Variants in PCDHA5 observed in about 807,000 individuals in gnomAD.
PCDHA5 encodes protocadherin alpha 5.
In PCDHA5, 43 loss-of-function variants were observed where a neutral mutation model predicts 61.6. The observed-to-expected ratio is 0.70, with a 90% CI of 0.55 to 0.90. The LOEUF (loss-of-function observed/expected upper bound fraction) is 0.90. Ranked by LOEUF, PCDHA5 falls within the 40% of genes least tolerant of loss-of-function variation. The pLI is 0.00. For missense variants in PCDHA5, 1,298 were observed against 1,222.7 expected (o/e 1.06, Z -0.92); for synonymous variants, 627 against 543.9 (o/e 1.15, Z -2.13).
chr5:140,834,749 G>T (rs782597539), intron 1 of PCDHA5: 2 of 1,613,980 alleles, frequency 1.2e-6, no homozygotes, highest in African/African-American at 1.3e-5. Context: ...TGGACGTGGA[G>T]GTGAAGGACA....
At chr5:140,877,575 C>T (rs1244471489) in intron 1 of PCDHA5, 1 of 1,613,826 alleles carries the variant, frequency 6.2e-7, no homozygotes, top group Non-Finnish European at 8.5e-7. Context: ...TGTACCTCAT[C>T]ATCGCCATCT....
chr5:140,918,955 T>G lies in PCDHA5; in HGVS notation c.2353-59994T>G, dbSNP rs904506594. Among the ~76,000 whole-genome samples, 3 of 152,258 alleles carry G rather than the reference T, an allele frequency of 2.0e-5. 1 individual carries two copies. Among genetic ancestry groups the G allele is most frequent in the African/African-American group, 7.2e-5 (3 of 41,472 alleles). ...TTTTGTTATAATATCCTGAACAGAC[T>G]AAGACAGATATCGTTTAGGTTAGTT... On this transcript the variant is annotated intron_variant, in intron 1 of 3. Transcript: ENST00000529859.
chr5:140,878,378 G>T (rs1449332570), intron 1 of PCDHA5, among the ~76,000 whole-genome samples: 3 of 152,178 alleles, frequency 2.0e-5, no homozygotes, highest in African/African-American at 7.2e-5. Flanking sequence ...TATGATGAAT[G>T]ATTTTCTTCA....
chr5:140,876,498 C>T, intron 1 of PCDHA5: 4 of 1,613,918 alleles, frequency 2.5e-6, no homozygotes, highest in Non-Finnish European at 2.5e-6. Flanking sequence ...AAGTTCTGGA[C>T]GTGAATGACA....
At chr5:140,859,867 T>C (rs1265494119) in intron 1 of PCDHA5, 1 of 152,016 alleles carries the variant, frequency 6.6e-6, no homozygotes, top group Non-Finnish European at 1.5e-5. Flanking sequence ...AATATATACT[T>C]CCCCCTCTGA....
rs1767937755 is a variant in PCDHA5, at chr5:140,823,944, G to A, written c.2169G>A (p.Ser723=). Residue 723 remains serine (S), a synonymous_variant, in exon 1 of 4, where the codon TCG becomes TCA. Transcript: ENST00000529859. The part of the protein sequence containing the change: ...TLLLYTALRC[S]AQPTEAVCTR... ...TGCTGTACACCGCGCTGCGGTGCTC[G>A]GCGCAGCCCACCGAGGCCGTGTGCA... 6.2e-7 allele frequency: 1 copy of A among 1,613,944 alleles called. No individual in the cohort carries two copies. The highest frequency in any genetic ancestry group is 8.5e-7 in the Non-Finnish European group (1 of 1,179,966).
At chr5:140,835,564 C>T (rs2150238347) in intron 1 of PCDHA5, 1 of 1,613,820 alleles carries the variant, frequency 6.2e-7, no homozygotes, top group African/African-American at 1.3e-5. Context: ...CCCCGCGTTC[C>T]CTTCAAGTTG....
intron 1 of PCDHA5, chr5:140,884,243 C>A: frequency 6.2e-7 from 1 of 1,613,466 alleles, no homozygotes; most frequent in Non-Finnish European, 8.5e-7. Flanking sequence ...TGAGCCCGCG[C>A]TGACGGCCAC....
At position 140,849,790 on chromosome 5, in the gene PCDHA5, C is replaced by T. The variant is rs2150450402; in HGVS notation, c.2352+25663C>T. The T allele has an allele frequency of 6.1e-5, 97 of 1,598,120 alleles. 10 individuals are homozygous for T. Among genetic ancestry groups the T allele is most frequent in the Middle Eastern group, 1.7e-4 (1 of 5,854 alleles). On this transcript the variant is annotated intron_variant, in intron 1 of 3. Transcript: ENST00000529859. The stretch of plus-strand genomic sequence containing the variant: ...GTGGTTACCGCGCGGGACGGGGGCT[C>T]GCCTTCACTGTGGGCCACGGCCAGG...
At chr5:140,834,787 C>A (rs2150226563) in intron 1 of PCDHA5, 5 of 1,613,542 alleles carry the variant, frequency 3.1e-6, no homozygotes, top group East Asian at 2.2e-5. Context: ...GTGTTCCCAG[C>A]GACACAAAGG....
At chr5:140,834,565 C>T (rs2150221167) in intron 1 of PCDHA5, 4 of 1,614,086 alleles carry the variant, frequency 2.5e-6, no homozygotes, top group Admixed American at 1.7e-5. Flanking sequence ...GAGCTGGTGC[C>T]GCGCCTGTTC....
At chr5:140,984,980 C>T (rs1206801991) in intron 3 of PCDHA5, among the ~76,000 whole-genome samples, 1 of 152,092 alleles carries the variant, frequency 6.6e-6, no homozygotes, top group African/African-American at 2.4e-5. Context: ...CTCTGTCCCC[C>T]AGGCTGGAGT....
rs187680387 is a variant in PCDHA5 at position 140,827,841 on chromosome 5, T to C, written c.2352+3714T>C. 68 of 458,788 alleles carry C rather than the reference T, an allele frequency of 1.5e-4. No homozygotes were observed. The East Asian group carries it at 2.3e-3, about 16-fold the overall frequency. The allele number at this position is 458,788 out of a possible 1,614,324, so 28.4% of individuals were successfully genotyped here. A position where few individuals can be genotyped will look rare whatever the true frequency, so the allele number is the denominator to read the frequency against. ...TACTATAAAAGTAGAGAAAAGAAGATACTGTTTTAAAAATATATGGTATAG... is the reference window on the plus strand; with the variant it reads ...TACTATAAAAGTAGAGAAAAGAAGACACTGTTTTAAAAATATATGGTATAG... On this transcript the variant is annotated intron_variant, in intron 1 of 3. Transcript: ENST00000529859.
chr5:140,913,558 G>T (rs1042223174), intron 1 of PCDHA5, among the ~76,000 whole-genome samples: 5 of 151,668 alleles, frequency 3.3e-5, no homozygotes, highest in Admixed American at 3.3e-4. Flanking sequence ...TTGATCTCTT[G>T]TATTTTCATC....
chr5:140,839,493 G>A (rs2150298182), intron 1 of PCDHA5, among the ~76,000 whole-genome samples: 3 of 151,922 alleles, frequency 2.0e-5, no homozygotes, highest in Non-Finnish European at 4.4e-5. Context: ...GGGCTCAAGT[G>A]ATCTTCCTAC....
chr5:140,909,684 GT>G (rs2074636344), intron 1 of PCDHA5, among the ~76,000 whole-genome samples: 1 of 152,220 alleles, frequency 6.6e-6, no homozygotes, highest in Non-Finnish European at 1.5e-5. Context: ...GGGAGCCAAT[GT>G]GGGGGTTCTG....
intron 1 of PCDHA5, among the ~76,000 whole-genome samples, chr5:140,944,240 T>C (rs374307364): frequency 2.1e-4 from 32 of 152,316 alleles, no homozygotes; most frequent in African/African-American, 7.5e-4. Flanking sequence ...CAGGCTGGAG[T>C]GCAGTGATGT....
intron 1 of PCDHA5, among the ~76,000 whole-genome samples, chr5:140,826,763 G>C (rs1554130659): frequency 6.6e-6 from 1 of 152,136 alleles, no homozygotes; most frequent in Non-Finnish European, 1.5e-5. Context: ...ATTCATATTG[G>C]AGAGTAATTG....
At chr5:140,910,907 G>T (rs1554194477) in intron 1 of PCDHA5, among the ~76,000 whole-genome samples, 3 of 152,102 alleles carry the variant, frequency 2.0e-5, no homozygotes, top group Admixed American at 2.0e-4. Flanking sequence ...CTGTCCTCCA[G>T]ATTTTTGCTT....
Sources: gnomAD v4.1 joint callset for allele counts (sites outside exome capture counted in the v4.1 genomes callset) on GRCh38, gnomAD v4.1.1 for gene constraint, MANE v1.5 for transcripts, NCBI Gene and HGNC (gene_info 2026-07-23, HGNC 2026-07-21) for gene names.